Variants in NME9 observed in about 807,000 individuals in gnomAD.
NME9 encodes thioredoxin domain-containing protein 6.
In NME9, 48 loss-of-function variants were observed where a neutral mutation model predicts 44.4. The ratio of observed to expected loss-of-function variants is 1.08; its 90% CI spans 0.86 to 1.37. NME9 has a LOEUF of 1.37. NME9 is among the 40% of genes most tolerant of loss of function. NME9 has a pLI of 0.00. For synonymous variants in NME9, 139 were observed against 147.1 expected, an observed-to-expected ratio of 0.94 and a Z score of 0.40; for missense variants, 325 against 405.2, an observed-to-expected ratio of 0.80 and a Z score of 1.70.
chr3:138,269,018 A>T (rs1410203734), intron 8 of NME9, among the ~76,000 whole-genome samples: 1 of 152,198 alleles, frequency 6.6e-6, no homozygotes, highest in East Asian at 1.9e-4. Context: ...GGCATGATGT[A>T]CGCATCCTAC....
At chr3:138,282,456 G>A (rs1481583199) in intron 8 of NME9, among the ~76,000 whole-genome samples, 2 of 152,022 alleles carry the variant, frequency 1.3e-5, no homozygotes, top group Non-Finnish European at 2.9e-5. Flanking sequence ...GACCAGCCTG[G>A]CCAACATGGT....
At chr3:138,270,932 C>T (rs1002729385) in intron 8 of NME9, among the ~76,000 whole-genome samples, 1 of 152,000 alleles carries the variant, frequency 6.6e-6, no homozygotes, top group Non-Finnish European at 1.5e-5. Context: ...CTAAGCTGGG[C>T]GTTTTATATT....
chr3:138,283,957 T>C (rs1474331461), intron 8 of NME9, among the ~76,000 whole-genome samples: 1 of 152,178 alleles, frequency 6.6e-6, no homozygotes, highest in Non-Finnish European at 1.5e-5. Context: ...CAGAAGGTCA[T>C]GAGCTTAGGA....
intron 4 of NME9, among the ~76,000 whole-genome samples, chr3:138,317,241 T>C (rs1192957477): frequency 6.6e-6 from 1 of 152,236 alleles, no homozygotes; most frequent in Non-Finnish European, 1.5e-5. Context: ...GTCTCCCTAC[T>C]AAAATCCAAA....
chr3:138,274,685 CCA>C, intron 8 of NME9: 1 of 641,438 alleles, frequency 1.6e-6, no homozygotes, highest in Non-Finnish European at 2.7e-6. Context: ...GAAATATCTT[CCA>C]CCATCCCTTA....
rs143914613 is a variant in NME9 at position 138,288,442 on chromosome 3, G to A, written c.745+15065C>T. 1.9e-3 allele frequency among the ~76,000 whole-genome samples: 296 copies of A among 152,258 alleles called. 1 individual carries two copies. The highest frequency in any genetic ancestry group is 6.7e-3 in the African/African-American group (280 of 41,550). On this transcript the variant is annotated intron_variant, in intron 8 of 8. Transcript: ENST00000317876. ...TCATAAATTGCAAACTGTACCCATA[G>A]CCCTAGAGGTGTTTTGTTTGTCCAG...
chr3:138,283,957 T>G (rs1474331461), intron 8 of NME9, among the ~76,000 whole-genome samples: 3 of 152,178 alleles, frequency 2.0e-5, no homozygotes, highest in Non-Finnish European at 4.4e-5. Flanking sequence ...CAGAAGGTCA[T>G]GAGCTTAGGA....
intron 8 of NME9, among the ~76,000 whole-genome samples, chr3:138,277,747 A>G (rs1186383577): frequency 2.0e-5 from 3 of 152,240 alleles, no homozygotes; most frequent in Non-Finnish European, 4.4e-5. Context: ...AAAGTTGTAC[A>G]TATACGTGCC....
chr3:138,296,150 A>G (rs975961578), downstream of NME9: 13 of 408,030 alleles, frequency 3.2e-5, 1 homozygote, highest in South Asian at 1.1e-4. Context: ...AGAACAATCA[A>G]TCATTTTCCT....
At chr3:138,290,550 A>T in intron 8 of NME9, 1 of 1,600,572 alleles carries the variant, frequency 6.2e-7, no homozygotes, top group East Asian at 2.2e-5. Flanking sequence ...GTTTAGGTTC[A>T]CAAGAACGCC....
At chr3:138,274,595 G>C (rs1214499947) in intron 8 of NME9, 21 of 1,397,620 alleles carry the variant, frequency 1.5e-5, no homozygotes, top group Admixed American at 5.1e-5. Context: ...GAGCACAAAG[G>C]AAGTTCTTAA....
At position 138,329,292 on chromosome 3, in the gene NME9, T is replaced by C. The variant is rs2053981144; in HGVS notation, c.33+11A>G. 6 of 1,535,796 alleles carry C rather than the reference T, an allele frequency of 3.9e-6. No homozygotes were observed. The highest frequency in any genetic ancestry group is 5.2e-6 in the Non-Finnish European group (6 of 1,146,626). ...ACCCAGAGCTGGAAGCTAGCGCCCC[T>C]TGAGGCTTACCTGCAGGGCAATTTC... On this transcript the variant is annotated intron_variant, in intron 1 of 10. Coordinates refer to ENST00000333911, the MANE Select transcript of NME9 (RefSeq NM_001349018.2).
chr3:138,311,581 C>G (rs771134628), intron 6 of NME9, among the ~76,000 whole-genome samples: 2 of 152,306 alleles, frequency 1.3e-5, no homozygotes, highest in South Asian at 4.1e-4. Flanking sequence ...AAGGGTTCAT[C>G]ATATGTAAAT....
At chr3:138,291,754 G>T (rs2050974022) in intron 8 of NME9, among the ~76,000 whole-genome samples, 1 of 152,204 alleles carries the variant, frequency 6.6e-6, no homozygotes, top group Non-Finnish European at 1.5e-5. Flanking sequence ...CAAATGCATA[G>T]AGGAAGAGTA....
chr3:138,311,897 A>C (rs977071060), intron 6 of NME9, among the ~76,000 whole-genome samples: 2 of 152,216 alleles, frequency 1.3e-5, no homozygotes, highest in Non-Finnish European at 2.9e-5. Flanking sequence ...TAGAACTGAT[A>C]AACGAAATCA....
At chr3:138,272,773 A>G (rs1041070317) in intron 8 of NME9, among the ~76,000 whole-genome samples, 1 of 152,064 alleles carries the variant, frequency 6.6e-6, no homozygotes, top group Non-Finnish European at 1.5e-5. Context: ...TACTCAGGAG[A>G]CTGAGGCAGA....
chr3:138,264,266 C>A, intron 8 of NME9: 2 of 1,413,438 alleles, frequency 1.4e-6, no homozygotes, highest in Non-Finnish European at 2.0e-6. Flanking sequence ...CTAGAGTGAG[C>A]TGAGCTAGCT....
At chr3:138,329,074 T>C (rs1213760097) in intron 1 of NME9, among the ~76,000 whole-genome samples, 1 of 152,252 alleles carries the variant, frequency 6.6e-6, no homozygotes, top group East Asian at 1.9e-4. Flanking sequence ...AAACAGCTTC[T>C]ACTCAGTTTT....
chr3:138,285,260 C>A (rs760966489), intron 8 of NME9, among the ~76,000 whole-genome samples: 1 of 152,336 alleles, frequency 6.6e-6, no homozygotes, highest in Admixed American at 6.5e-5. Flanking sequence ...TTCCCTCCCC[C>A]ATTACAGTTA....
Sources: gnomAD v4.1 joint callset for allele counts (sites outside exome capture counted in the v4.1 genomes callset) on GRCh38, gnomAD v4.1.1 for gene constraint, MANE v1.5 for transcripts, NCBI Gene and HGNC (gene_info 2026-07-23, HGNC 2026-07-21) for gene names.